Variants in CDH7 observed in about 807,000 individuals in gnomAD.
The protein encoded by CDH7 is cadherin 7, also known as cadherin-7.
A neutral mutation model predicts 71.8 loss-of-function variants in CDH7; 25 were observed. That is an observed-to-expected ratio of 0.35 (90% CI 0.25 to 0.49). The LOEUF is 0.49. Ranked by LOEUF, CDH7 falls within the 20% of genes least tolerant of loss-of-function variation. The pLI, the probability that CDH7 is intolerant of heterozygous loss-of-function variation, is 0.99. For missense variants in CDH7, 862 were observed against 974.6 expected (o/e 0.88, Z 1.54); for synonymous variants, 381 against 363.8 (o/e 1.05, Z -0.54).
chr18:65,773,280 A>G (rs1310716156), intron 2 of CDH7, among the ~76,000 whole-genome samples: 1 of 152,226 alleles, frequency 6.6e-6, no homozygotes, highest in East Asian at 1.9e-4. Context: ...ATTTTATCAA[A>G]TTATATAAAT....
At chr18:65,769,766 T>A (rs1916487510) in intron 2 of CDH7, among the ~76,000 whole-genome samples, 1 of 152,168 alleles carries the variant, frequency 6.6e-6, no homozygotes, top group African/African-American at 2.4e-5. Context: ...GCCTGTCTCA[T>A]GTTTCTTCTT....
At chr18:65,827,307 T>G (rs1173907961) in intron 6 of CDH7, among the ~76,000 whole-genome samples, 1 of 151,876 alleles carries the variant, frequency 6.6e-6, no homozygotes, top group Non-Finnish European at 1.5e-5. Context: ...ACACACAATG[T>G]ACAGGAGAAT....
intron 6 of CDH7, among the ~76,000 whole-genome samples, chr18:65,836,357 A>G (rs531722704): frequency 6.6e-6 from 1 of 152,290 alleles, no homozygotes; most frequent in Non-Finnish European, 1.5e-5. Flanking sequence ...AAGAATCTGG[A>G]TAGGCAGAGC....
rs1460648277 is a variant in CDH7, at chr18:65,887,862, C to G, written c.*6968C>G. 1 of 152,044 alleles carries G rather than the reference C, an allele frequency of 6.6e-6. No individual in the cohort carries two copies. Among genetic ancestry groups the G allele is most frequent in the African/African-American group, 2.4e-5 (1 of 41,400 alleles). 9.4% of individuals were successfully genotyped at this position (152,044 alleles called of 1,614,324 possible). On this transcript the variant is annotated 3_prime_UTR_variant, in exon 12 of 12. Transcript: ENST00000397968. Reference sequence around the variant, plus strand: ...ACGAACAATTCACATTAGTAAAACACACAGCATTACTTTCAATGAAACTAT... The same window carrying G: ...ACGAACAATTCACATTAGTAAAACAGACAGCATTACTTTCAATGAAACTAT...
intron 11 of CDH7, among the ~76,000 whole-genome samples, chr18:65,872,527 G>A (rs1913958105): frequency 2.6e-5 from 4 of 152,052 alleles, no homozygotes; most frequent in Admixed American, 2.6e-4. Context: ...GAAAAGAGTG[G>A]GGATAGCATG....
chr18:65,882,802 A>G lies in CDH7; in HGVS notation c.*1908A>G, dbSNP rs924688154. On this transcript the variant is annotated 3_prime_UTR_variant, in exon 12 of 12. Coordinates refer to ENST00000397968, the MANE Select transcript of CDH7 (RefSeq NM_004361.5). ...AAGTTTTTCAAACTAAAAAATAACA[A>G]ACAAACAAAAAAACACGCGTATTTA... is the stretch of plus-strand genomic sequence containing the variant. The G allele has an allele frequency of 3.3e-5, 5 of 152,108 alleles. No individual in the cohort carries two copies. The highest frequency in any genetic ancestry group is 4.4e-5 in the Non-Finnish European group (3 of 67,974). 9.4% of individuals were successfully genotyped at this position (152,108 alleles called of 1,614,324 possible).
intron 2 of CDH7, 78 bp from the exon 3 acceptor site, chr18:65,809,626 A>G: frequency 8.2e-7 from 1 of 1,224,110 alleles, no homozygotes; most frequent in Non-Finnish European, 1.2e-6. Context: ...CCTGCCTGAC[A>G]TAAGAATTAT....
intron 1 of CDH7, among the ~76,000 whole-genome samples, chr18:65,753,096 G>A (rs1302416739): frequency 2.0e-5 from 3 of 152,110 alleles, no homozygotes; most frequent in Non-Finnish European, 2.9e-5. Flanking sequence ...AAGAAGAGAG[G>A]GTGGAGAGCA....
intron 11 of CDH7, among the ~76,000 whole-genome samples, chr18:65,868,355 A>G (rs1008324586): frequency 6.6e-6 from 1 of 152,238 alleles, no homozygotes; most frequent in Non-Finnish European, 1.5e-5. Context: ...CACATTTTAT[A>G]TAAGAAAACT....
At chr18:65,797,571 GTATAGTCT>G (rs1229988831) in intron 2 of CDH7, among the ~76,000 whole-genome samples, 1 of 152,098 alleles carries the variant, frequency 6.6e-6, no homozygotes, top group East Asian at 1.9e-4. Flanking sequence ...CTGGGGCAGA[GTATAGTCT>G]TATTATTCTT....
intron 9 of CDH7, among the ~76,000 whole-genome samples, chr18:65,859,260 A>G (rs1334691558): frequency 3.3e-5 from 5 of 152,224 alleles, no homozygotes; most frequent in African/African-American, 1.2e-4. Flanking sequence ...AAGGAAAGGT[A>G]AACATTGTAA....
chr18:65,866,377 T>C (rs1240976722), intron 11 of CDH7: 1 of 86,786 alleles, frequency 1.2e-5, no homozygotes, highest in African/African-American at 4.2e-5. Context: ...ACCTGGACTT[T>C]AGACTCTTAA....
chr18:65,754,895 A>C (rs1243096307), intron 1 of CDH7, among the ~76,000 whole-genome samples: 2 of 152,284 alleles, frequency 1.3e-5, no homozygotes, highest in East Asian at 3.9e-4. Context: ...AGTTGTTTAG[A>C]AGGGAAAAAG....
At chr18:65,754,533 A>T (rs909334768) in intron 1 of CDH7, among the ~76,000 whole-genome samples, 1 of 152,210 alleles carries the variant, frequency 6.6e-6, no homozygotes, top group African/African-American at 2.4e-5. Context: ...AAATTATCGA[A>T]TGTGATGTTA....
rs780619698 is a variant in CDH7 at position 65,880,922 on chromosome 18, G to A, written c.*28G>A. The A allele has an allele frequency of 3.9e-6, 6 of 1,539,060 alleles. No homozygotes were observed. The highest frequency in any genetic ancestry group is 5.2e-6 in the Non-Finnish European group (6 of 1,145,680). On this transcript the variant is annotated 3_prime_UTR_variant, in exon 12 of 12. Coordinates refer to ENST00000397968, the MANE Select transcript of CDH7 (RefSeq NM_004361.5). ...TTGGAACCTTAATTCGAAATGTACT[G>A]AAGAAAAAGTAACAGCAAAAAATAA...
chr18:65,824,812 G>A lies in CDH7; in HGVS notation c.962G>A (p.Gly321Glu). ...KISVDKETQE[G>E]IITIQKELDF... is the part of the protein sequence containing the mutation. ...TCTGTTGACAAAGAAACCCAGGAAG[G>A]AATCATTACTATACAGAAGGTAATG... Residue 321 changes from glycine to glutamate, a missense_variant, in exon 6 of 12, where the codon GGA becomes GAA. Physicochemically the swap from Gly to Glu is moderately conservative, Grantham distance 98. Transcript: ENST00000397968. 3.7e-6 allele frequency: 6 copies of A among 1,608,808 alleles called. No homozygotes were observed. The Middle Eastern group carries it at 9.9e-4, about 266-fold the overall frequency.
intron 7 of CDH7, among the ~76,000 whole-genome samples, chr18:65,847,218 T>C (rs1362871465): frequency 6.6e-6 from 1 of 152,168 alleles, no homozygotes; most frequent in Non-Finnish European, 1.5e-5. Context: ...AATCTCCACA[T>C]TGAGATGGGA....
intron 10 of CDH7, among the ~76,000 whole-genome samples, chr18:65,860,192 G>T (rs1913513517): frequency 6.6e-6 from 1 of 152,088 alleles, no homozygotes; most frequent in African/African-American, 2.4e-5. Flanking sequence ...ATAAGAAAAA[G>T]AACTGGACAT....
Position 65,795,540 on chromosome 18 carries a change from CA to C in CDH7, c.211-14163del, listed in dbSNP as rs763409929. ...ATCTATAATGTGACAGGATGAAGTA[CA>C]GAGAAAATGTATAACGTTGTAAATC... is the stretch of plus-strand genomic sequence containing the variant. On this transcript the variant is annotated intron_variant, in intron 2 of 11. Coordinates refer to ENST00000397968, the MANE Select transcript of CDH7 (RefSeq NM_004361.5). Among the ~76,000 whole-genome samples the C allele has an allele frequency of 1.3e-3, 196 of 152,094 alleles. 1 individual carries two copies. Among genetic ancestry groups the C allele is most frequent in the Non-Finnish European group, 2.3e-3 (154 of 67,980 alleles).
Sources: allele counts gnomAD v4.1 joint callset (sites outside exome capture counted in the v4.1 genomes callset), GRCh38; gene constraint gnomAD v4.1.1; transcripts MANE v1.5; gene names NCBI Gene and HGNC (gene_info 2026-07-23, HGNC 2026-07-21).